NIPBL: variants seen among roughly 807,000 people sequenced by gnomAD.
The protein encoded by NIPBL is NIPBL cohesin loading factor, also known as nipped-B-like protein.
NIPBL carries 19 observed loss-of-function variants against 321.8 expected under a neutral mutation model. The ratio of observed to expected loss-of-function variants is 0.06; its 90% CI spans 0.04 to 0.09. The LOEUF is 0.09. NIPBL is among the 10% of genes least tolerant of loss of function. NIPBL has a pLI of 1.00. For synonymous variants in NIPBL, 1,106 were observed against 1,114.1 expected (o/e 0.99, Z 0.14); for missense variants, 2,210 against 3,327.0 (o/e 0.66, Z 8.26).
intron 3 of NIPBL, among the ~76,000 whole-genome samples, 189 bp from the exon 4 acceptor site, chr5:36,957,915 G>A (rs185140512): frequency 4.0e-5 from 6 of 151,688 alleles, no homozygotes; most frequent in Non-Finnish European, 5.9e-5. Flanking sequence ...CCTGGGAGAC[G>A]GAGGTTGCAG....
intron 1 of NIPBL, among the ~76,000 whole-genome samples, chr5:36,881,485 T>G (rs1472739423): frequency 6.6e-6 from 1 of 151,988 alleles, no homozygotes; most frequent in Non-Finnish European, 1.5e-5. Flanking sequence ...GTCCCCATAA[T>G]ATCTCATTTA....
At position 36,938,821 on chromosome 5, in the gene NIPBL, A is replaced by G. The variant is rs529669835; in HGVS notation, c.-79-14797A>G. On this transcript the variant is annotated intron_variant, in intron 1 of 46. Coordinates refer to ENST00000282516, the MANE Select transcript of NIPBL (RefSeq NM_133433.4). The stretch of plus-strand genomic sequence containing the variant: ...TCAAAACCAGGAAACTGACGTTGAT[A>G]CAATCCGGGAGCTTGTTCATATTTA... Among the ~76,000 whole-genome samples the G allele has an allele frequency of 2.0e-5, 3 of 152,334 alleles. No homozygotes were observed. In the South Asian group the frequency reaches 6.2e-4, roughly 32 times the overall value.
At chr5:37,059,230 G>T in intron 44 of NIPBL, 65 bp downstream of exon 44, 2 of 1,563,608 alleles carry the variant, frequency 1.3e-6, no homozygotes, top group Non-Finnish European at 1.8e-6. Context: ...ATTTGGGCTG[G>T]GTGTGGTGGC....
intron 1 of NIPBL, among the ~76,000 whole-genome samples, chr5:36,891,413 G>C (rs1360644817): frequency 1.3e-5 from 2 of 152,202 alleles, no homozygotes; most frequent in African/African-American, 2.4e-5. Context: ...ACTGGTGGTA[G>C]GGGTGGTCAC....
chr5:37,020,263 GTAAAA>G (rs1475551704), intron 25 of NIPBL, among the ~76,000 whole-genome samples, 191 bp from the exon 26 acceptor site: 1 of 152,144 alleles, frequency 6.6e-6, no homozygotes, highest in African/African-American at 2.4e-5. Flanking sequence ...TTGGAACATA[GTAAAA>G]TAATAAGTTT....
chr5:37,066,200 A>G lies in NIPBL; in HGVS notation c.*1308A>G, dbSNP rs1755330231. The G allele has an allele frequency of 6.6e-6, 1 of 152,218 alleles. No homozygotes were observed. Among genetic ancestry groups the G allele is most frequent in the South Asian group, 2.1e-4 (1 of 4,836 alleles). The allele number at this position is 152,218 out of a possible 1,614,324, so 9.4% of individuals were successfully genotyped here. A position where few individuals can be genotyped will look rare whatever the true frequency, so the allele number is the denominator to read the frequency against. ...ATATGTATAGTTGACACTCAGGAAT[A>G]GTAATGCCTAAAATTTACAGTGGAT... On this transcript the variant is annotated 3_prime_UTR_variant, in exon 47 of 47. Transcript: ENST00000282516.
chr5:36,965,736 A>G (rs1488291738), intron 6 of NIPBL, among the ~76,000 whole-genome samples: 1 of 152,126 alleles, frequency 6.6e-6, no homozygotes, highest in African/African-American at 2.4e-5. Flanking sequence ...CACTGATGCA[A>G]TCTTTACAAA....
chr5:37,051,894 T>G lies in NIPBL; in HGVS notation c.7062+8T>G, dbSNP rs1029199287. On this transcript the variant is annotated splice_region_variant and intron_variant, in intron 41 of 46. Coordinates refer to ENST00000282516, the MANE Select transcript of NIPBL (RefSeq NM_133433.4). ...TATGCTGGATTCATTCATGTATGTATTTTAACATTTTATAACCTAAATTTA... is the reference window on the plus strand; with the variant it reads ...TATGCTGGATTCATTCATGTATGTAGTTTAACATTTTATAACCTAAATTTA... 6.3e-7 allele frequency: 1 copy of G among 1,574,872 alleles called. No homozygotes were observed. Among genetic ancestry groups the G allele is most frequent in the African/African-American group, 1.3e-5 (1 of 74,146 alleles).
Position 36,962,161 on chromosome 5 carries a change from T to G in NIPBL, c.497T>G (p.Phe166Cys). The G allele has an allele frequency of 1.2e-6, 2 of 1,614,156 alleles. No individual in the cohort carries two copies. Among genetic ancestry groups the G allele is most frequent in the Non-Finnish European group, 8.5e-7 (1 of 1,180,002 alleles). Residue 166 changes from phenylalanine to cysteine, a missense_variant, in exon 6 of 47, where the codon TTT becomes TGT. Around this residue, in one of 14 missense-constraint regions of NIPBL, gnomAD observed 464 missense variants for 529.5 expected, o/e 0.88. Transcript: ENST00000282516. ...VPPQTSSGNR[F>C]MPQQNSPVPS... ...CCACAGACAAGCTCTGGGAACAGAT[T>G]TATGCCACAGCAAAATAGCCCAGTG... is the stretch of plus-strand genomic sequence containing the variant.
chr5:37,050,337 G>A (rs1040164995), intron 40 of NIPBL, among the ~76,000 whole-genome samples: 2 of 152,002 alleles, frequency 1.3e-5, no homozygotes, highest in Non-Finnish European at 2.9e-5. Flanking sequence ...GGTGGCACAT[G>A]CCTGTGGTCC....
chr5:36,917,117 A>G (rs1580222625), intron 1 of NIPBL, among the ~76,000 whole-genome samples: 1 of 152,146 alleles, frequency 6.6e-6, no homozygotes, highest in Non-Finnish European at 1.5e-5. Flanking sequence ...AGTCCCACCA[A>G]CAGTGTGAAA....
rs1398318869 is a variant in NIPBL, at chr5:37,009,247, T to A, written c.4421+524T>A. On this transcript the variant is annotated intron_variant, in intron 20 of 46. Coordinates refer to ENST00000282516, the MANE Select transcript of NIPBL (RefSeq NM_133433.4). ...GATTTTTGTGTCTCAAAAAAAAAAATAAAAAACAGAAAGATTAATGGCAGT... is the reference window on the plus strand; with the variant it reads ...GATTTTTGTGTCTCAAAAAAAAAAAAAAAAAACAGAAAGATTAATGGCAGT... 6.6e-5 allele frequency among the ~76,000 whole-genome samples: 10 copies of A among 151,490 alleles called. No homozygotes were observed. In the Middle Eastern group the frequency reaches 0.01, roughly 155 times the overall value.
chr5:36,913,024 A>C (rs1289467608), intron 1 of NIPBL, among the ~76,000 whole-genome samples: 1 of 152,202 alleles, frequency 6.6e-6, no homozygotes, highest in Non-Finnish European at 1.5e-5. Context: ...AATATTAAAA[A>C]TATAGGTTGT....
chr5:37,045,011 A>G (rs1752827673), intron 36 of NIPBL, among the ~76,000 whole-genome samples: 1 of 148,310 alleles, frequency 6.7e-6, no homozygotes, highest in Non-Finnish European at 1.5e-5. Context: ...TAGACTCTGA[A>G]GAGCACTCTC....
chr5:36,901,709 A>G (rs928867474), intron 1 of NIPBL, among the ~76,000 whole-genome samples: 4 of 151,950 alleles, frequency 2.6e-5, no homozygotes, highest in Admixed American at 1.3e-4. Context: ...GGGTTTCCCC[A>G]TGTTGGTCAG....
At chr5:36,995,929 G>A in intron 11 of NIPBL, 125 bp downstream of exon 11, 1 of 808,030 alleles carries the variant, frequency 1.2e-6, no homozygotes, top group South Asian at 1.7e-5. Flanking sequence ...ACACAGTATA[G>A]TAAGTTTTTT....
At chr5:37,013,319 G>A (rs535466723) in intron 21 of NIPBL, among the ~76,000 whole-genome samples, 79 of 151,692 alleles carry the variant, frequency 5.2e-4, no homozygotes, top group African/African-American at 1.8e-3. Flanking sequence ...CCTCCCTCCC[G>A]GACGGGGCGG....
chr5:36,884,711 G>A (rs750350814), intron 1 of NIPBL, among the ~76,000 whole-genome samples: 12 of 152,146 alleles, frequency 7.9e-5, no homozygotes, highest in East Asian at 5.8e-4. Flanking sequence ...TTAGAATTGA[G>A]CCATGTGGTA....
chr5:36,966,972 T>C (rs1210411541), intron 6 of NIPBL, among the ~76,000 whole-genome samples: 2 of 151,986 alleles, frequency 1.3e-5, no homozygotes, highest in African/African-American at 2.4e-5. Context: ...AAAAGATTAA[T>C]TATAAATTTG....
Sources: allele counts gnomAD v4.1 joint callset (sites outside exome capture counted in the v4.1 genomes callset), GRCh38; gene constraint gnomAD v4.1.1; regional missense constraint gnomAD v4.1.1; transcripts MANE v1.5; gene names NCBI Gene and HGNC (gene_info 2026-07-23, HGNC 2026-07-21).